BZW1: variants seen among roughly 807,000 people sequenced by gnomAD.
The protein encoded by BZW1 is basic leucine zipper and W2 domains 1, also known as eIF5-mimic protein 2.
BZW1 carries 3 observed loss-of-function variants against 54.1 expected under a neutral mutation model. That is an observed-to-expected ratio of 0.06 (90% confidence interval 0.03 to 0.14). The LOEUF is 0.14. Among genes scored for constraint, BZW1 ranks in the 10% least tolerant of loss-of-function variants. The pLI is 1.00. For synonymous variants in BZW1, 152 were observed against 162.7 expected, an observed-to-expected ratio of 0.93 and a Z score of 0.50; for missense variants, 206 against 491.7, an observed-to-expected ratio of 0.42 and a Z score of 5.50.
At chr2:200,820,849 A>G (rs144789570) in intron 10 of BZW1, among the ~76,000 whole-genome samples, 91 of 152,312 alleles carry the variant, frequency 6.0e-4, no homozygotes, top group Admixed American at 1.2e-3. Flanking sequence ...GAGTGCTTCT[A>G]TAGCAACCCC....
chr2:200,826,818 C>G lies in BZW1; in HGVS notation c.*4640C>G, dbSNP rs1286945266. ...GTGTAGTGCATTTGGGGTGCTACAACGTTAATCAAATATAATTGAGCTGTT... is the reference window on the plus strand; with the variant it reads ...GTGTAGTGCATTTGGGGTGCTACAAGGTTAATCAAATATAATTGAGCTGTT... On this transcript the variant is annotated 3_prime_UTR_variant, in exon 12 of 12. Coordinates refer to ENST00000409600, the MANE Select transcript of BZW1 (RefSeq NM_001207067.2). The G allele has an allele frequency of 6.6e-6, 1 of 151,994 alleles. No individual in the cohort carries two copies. Among genetic ancestry groups the G allele is most frequent in the Non-Finnish European group, 1.5e-5 (1 of 68,020 alleles). The allele number at this position is 151,994 out of a possible 1,614,324, so 9.4% of individuals were successfully genotyped here. A position where few individuals can be genotyped will look rare whatever the true frequency, so the allele number is the denominator to read the frequency against.
At chr2:200,818,940 T>G in intron 9 of BZW1, 39 bp downstream of exon 9, 1 of 1,514,528 alleles carries the variant, frequency 6.6e-7, no homozygotes, top group Non-Finnish European at 8.8e-7. Flanking sequence ...ACTATTCTGC[T>G]TTCACGTGGT....
chr2:200,812,846 C>T (rs970430487), intron 1 of BZW1: 4 of 662,552 alleles, frequency 6.0e-6, no homozygotes, highest in African/African-American at 3.5e-5. Context: ...TGGTGATAAT[C>T]TCTCTTTGCG....
At chr2:200,821,637 A>C (rs940529271) in intron 11 of BZW1, among the ~76,000 whole-genome samples, 3 of 152,084 alleles carry the variant, frequency 2.0e-5, no homozygotes, top group Non-Finnish European at 4.4e-5. Flanking sequence ...GGGCTCAAAC[A>C]ACCTTCCTGC....
intron 10 of BZW1, among the ~76,000 whole-genome samples, chr2:200,820,960 GCAGTTGGTCATAA>G (rs1249498886): frequency 6.6e-6 from 1 of 152,180 alleles, no homozygotes; most frequent in African/African-American, 2.4e-5. Flanking sequence ...AAAATCCATT[GCAGTTGGTCATAA>G]CACTTTGAAA....
intron 1 of BZW1, chr2:200,812,850 CTT>C (rs774010229): frequency 1.5e-6 from 1 of 660,158 alleles, no homozygotes; most frequent in Non-Finnish European, 2.9e-6. Flanking sequence ...GATAATCTCT[CTT>C]TGCGTTCTGC....
intron 1 of BZW1, chr2:200,812,391 C>T: frequency 7.8e-7 from 1 of 1,286,358 alleles, no homozygotes; most frequent in Non-Finnish European, 9.8e-7. Context: ...CCGCTGCTTT[C>T]GCTGGAGGGC....
rs1408209395 is a variant in BZW1, at chr2:200,824,314, G to A, written c.*2136G>A. On this transcript the variant is annotated 3_prime_UTR_variant, in exon 12 of 12. Transcript: ENST00000409600. ...AATTCAGGTGCCAGTGCCAGCCTAT[G>A]GCCTCAAGTATGTAATTCTTAATAT... The A allele has an allele frequency of 6.6e-6, 1 of 152,060 alleles. No individual in the cohort carries two copies. Among genetic ancestry groups the A allele is most frequent in the Non-Finnish European group, 1.5e-5 (1 of 67,992 alleles). 9.4% of individuals were successfully genotyped at this position (152,060 alleles called of 1,614,324 possible). A position where few individuals can be genotyped will look rare whatever the true frequency, so the allele number is the denominator to read the frequency against.
At chr2:200,819,118 A>G in intron 9 of BZW1, 1 of 539,772 alleles carries the variant, frequency 1.9e-6, no homozygotes. Context: ...CTGGCCAGGC[A>G]CAATGGCTCA....
chr2:200,825,508 C>G lies in BZW1; in HGVS notation c.*3330C>G, dbSNP rs1335175304. On this transcript the variant is annotated 3_prime_UTR_variant, in exon 12 of 12. Transcript: ENST00000409600. ...TACAGTGAAGTAGTATTTTTTCTGT[C>G]AGGGTCAATAGAAAGTAGACGAAAT... 6.6e-6 allele frequency: 1 copy of G among 152,126 alleles called. No homozygotes were observed. Among genetic ancestry groups the G allele is most frequent in the African/African-American group, 2.4e-5 (1 of 41,430 alleles). 9.4% of individuals were successfully genotyped at this position (152,126 alleles called of 1,614,324 possible). A position where few individuals can be genotyped will look rare whatever the true frequency, so the allele number is the denominator to read the frequency against.
chr2:200,817,502 G>A (rs2038338283), intron 6 of BZW1, among the ~76,000 whole-genome samples: 1 of 152,124 alleles, frequency 6.6e-6, no homozygotes, highest in African/African-American at 2.4e-5. Context: ...GAAATGCTGT[G>A]GGAACCCCAG....
Position 200,826,152 on chromosome 2 carries a change from TAA to T in BZW1, c.*3975_*3976del, listed in dbSNP as rs929945439. 2 of 152,282 alleles carry T rather than the reference TAA, an allele frequency of 1.3e-5. No individual in the cohort carries two copies. The highest frequency in any genetic ancestry group is 4.8e-5 in the African/African-American group (2 of 41,566). The allele number at this position is 152,282 out of a possible 1,614,324, so 9.4% of individuals were successfully genotyped here. On this transcript the variant is annotated 3_prime_UTR_variant, in exon 12 of 12. Transcript: ENST00000409600. ...TAATTGGCTTTTGTCCAAAAACTCT[TAA>T]GTGGATTAATATCTGAACAATCTTA...
intron 11 of BZW1, among the ~76,000 whole-genome samples, 160 bp downstream of exon 11, chr2:200,821,465 G>A (rs1436532606): frequency 6.6e-6 from 1 of 152,102 alleles, no homozygotes; most frequent in African/African-American, 2.4e-5. Context: ...AATTATTATA[G>A]TATATTTATG....
chr2:200,817,306 T>C, intron 6 of BZW1, 65 bp downstream of exon 6: 2 of 1,540,246 alleles, frequency 1.3e-6, no homozygotes, highest in South Asian at 2.3e-5. Flanking sequence ...CATGGTTTAC[T>C]GTTCATAGAT....
chr2:200,820,692 A>AG (rs2038476798), intron 10 of BZW1, among the ~76,000 whole-genome samples: 1 of 152,086 alleles, frequency 6.6e-6, no homozygotes, highest in African/African-American at 2.4e-5. Flanking sequence ...TCAAAAAAAA[A>AG]AAATCCCCAA....
upstream of BZW1, chr2:200,811,678 GA>G (rs1165931070): frequency 2.0e-5 from 3 of 152,328 alleles, no homozygotes; most frequent in African/African-American, 7.2e-5. Context: ...CGCAGCGGGG[GA>G]AGAAAAATAA....
intron 9 of BZW1, 102 bp from the exon 10 acceptor site, chr2:200,819,880 A>G: frequency 2.7e-6 from 3 of 1,094,206 alleles, no homozygotes; most frequent in East Asian, 3.1e-5. Flanking sequence ...TGCAGTGATT[A>G]TAAAAGATGA....
In BZW1 at chr2:200,823,642, A is replaced by G. The variant is rs1471616056; in HGVS notation, c.*1464A>G. 1 of 152,594 alleles carries G rather than the reference A, an allele frequency of 6.6e-6. No homozygotes were observed. Among genetic ancestry groups the G allele is most frequent in the Non-Finnish European group, 1.5e-5 (1 of 68,026 alleles). The allele number at this position is 152,594 out of a possible 1,614,324, so 9.5% of individuals were successfully genotyped here. A position where few individuals can be genotyped will look rare whatever the true frequency, so the allele number is the denominator to read the frequency against. ...GTAATATAATTTGAAATAAAGGTATAGTAACCTTAAAAAGAACATTATAAC... is the reference window on the plus strand; with the variant it reads ...GTAATATAATTTGAAATAAAGGTATGGTAACCTTAAAAAGAACATTATAAC... On this transcript the variant is annotated 3_prime_UTR_variant, in exon 12 of 12. Transcript: ENST00000409600.
At chr2:200,812,047 C>T (rs935085257) in intron 1 of BZW1, 57 bp downstream of exon 1, 5 of 416,192 alleles carry the variant, frequency 1.2e-5, no homozygotes, top group African/African-American at 1.0e-4. Flanking sequence ...GGACGCCGGG[C>T]AGAGGGAGAG....
Sources: gnomAD v4.1 joint callset for allele counts (sites outside exome capture counted in the v4.1 genomes callset) on GRCh38, gnomAD v4.1.1 for gene constraint, MANE v1.5 for transcripts, NCBI Gene and HGNC (gene_info 2026-07-23, HGNC 2026-07-21) for gene names.